GABRR1: variants seen among roughly 807,000 people sequenced by gnomAD.
GABRR1 encodes gamma-aminobutyric acid type A receptor subunit rho1.
In GABRR1, 59 loss-of-function variants were observed where a neutral mutation model predicts 55.5. That is an observed-to-expected ratio of 1.06 (90% confidence interval 0.86 to 1.32). The LOEUF (loss-of-function observed/expected upper bound fraction) is 1.32, where lower values mean the gene tolerates loss of function less well. GABRR1 is among the 40% of genes most tolerant of loss of function. The pLI, the probability that GABRR1 is intolerant of heterozygous loss-of-function variation, is 0.00. For synonymous variants in GABRR1, 213 were observed against 226.0 expected (o/e 0.94, Z 0.51); for missense variants, 602 against 619.1 (o/e 0.97, Z 0.29).
At chr6:89,179,888 T>A (rs1176182797) in intron 9 of GABRR1, among the ~76,000 whole-genome samples, 3 of 152,002 alleles carry the variant, frequency 2.0e-5, no homozygotes, top group African/African-American at 7.3e-5. Flanking sequence ...GAAGGAAGAT[T>A]TCCTAGAATG....
intron 1 of GABRR1, among the ~76,000 whole-genome samples, chr6:89,222,377 T>G (rs966348465): frequency 6.6e-6 from 1 of 152,212 alleles, no homozygotes; most frequent in African/African-American, 2.4e-5. Context: ...GTAAACCCAC[T>G]TTGTGGGGCT....
chr6:89,189,217 T>A (rs1226049101), intron 6 of GABRR1, among the ~76,000 whole-genome samples: 1 of 152,032 alleles, frequency 6.6e-6, no homozygotes, highest in Non-Finnish European at 1.5e-5. Context: ...CACACGTATG[T>A]TTATTGCGGC....
chr6:89,183,279 G>A lies in GABRR1; in HGVS notation c.797-1222C>T, dbSNP rs148367925. On this transcript the variant is annotated intron_variant, in intron 7 of 9. Transcript: ENST00000454853. ...CACCCTGGGTCATTATAATGCATGG[G>A]ACATGCCTCTGGTTACCAGCAAGCT... 3.9e-3 allele frequency among the ~76,000 whole-genome samples: 601 copies of A among 152,286 alleles called. 2 individuals are homozygous for A. Among genetic ancestry groups the A allele is most frequent in the East Asian group, 0.022 (115 of 5,174 alleles).
rs372823219 is a variant in GABRR1, at chr6:89,179,001, A to G, written c.1209T>C (p.Asp403=). The G allele has an allele frequency of 1.2e-6, 2 of 1,614,112 alleles. No individual in the cohort carries two copies. The highest frequency in any genetic ancestry group is 1.1e-5 in the South Asian group (1 of 91,084). The change falls in exon 10 of 10, where the codon GAT becomes GAC. Residue 403 remains aspartate (D), a synonymous_variant. Transcript: ENST00000454853. ...RTAMLDGNYS[D]GEVNDLDNYM... ...AGTTGTCCAGGTCATTCACCTCCCC[A>G]TCACTGTAGTTGCCGTCCAGCATCG... is the stretch of plus-strand genomic sequence containing the variant.
In GABRR1 at chr6:89,180,375, C is replaced by T. The variant is rs763072691; in HGVS notation, c.1063G>A (p.Val355Met). ...DIYLWVSFVF[V>M]FLSVLEYAAV... is the part of the protein sequence containing the mutation. ...GCATACTCCAGCACCGAGAGGAACA[C>T]GAACACAAAGCTGACCCAGAGGTAG... The change falls in exon 9 of 10, where the codon GTG becomes ATG. Residue 355 changes from valine to methionine, a missense_variant. Coordinates refer to ENST00000454853, the MANE Select transcript of GABRR1 (RefSeq NM_002042.5). 2.4e-5 allele frequency: 38 copies of T among 1,613,832 alleles called. No individual in the cohort carries two copies. Among genetic ancestry groups the T allele is most frequent in the Middle Eastern group, 1.6e-4 (1 of 6,078 alleles).
intron 5 of GABRR1, among the ~76,000 whole-genome samples, chr6:89,196,876 A>AAAGAAAGAAAGAG (rs1554190903): frequency 4.9e-5 from 5 of 101,948 alleles, no homozygotes; most frequent in Non-Finnish European, 4.6e-5. Context: ...AGAAAGAAAG[A>AAAGAAAGAAAGAG]AAGAGAAGAG....
chr6:89,209,510 G>A (rs914994900), intron 1 of GABRR1, among the ~76,000 whole-genome samples: 2 of 152,086 alleles, frequency 1.3e-5, no homozygotes, highest in African/African-American at 4.8e-5. Flanking sequence ...TTTGTCAAGG[G>A]GACAGCCTGC....
chr6:89,229,526 T>G (rs1773250555), intron 1 of GABRR1, among the ~76,000 whole-genome samples: 1 of 149,258 alleles, frequency 6.7e-6, no homozygotes, highest in African/African-American at 2.5e-5. Flanking sequence ...TTATGAAGCT[T>G]AGTTTGGCTG....
At chr6:89,199,032 G>C (rs1449015248) in intron 4 of GABRR1, among the ~76,000 whole-genome samples, 1 of 152,160 alleles carries the variant, frequency 6.6e-6, no homozygotes, top group Non-Finnish European at 1.5e-5. Context: ...GCCAGGTACA[G>C]AATCCACAGG....
chr6:89,186,047 T>C (rs1771892001), intron 6 of GABRR1, among the ~76,000 whole-genome samples: 2 of 152,282 alleles, frequency 1.3e-5, no homozygotes, highest in Non-Finnish European at 2.9e-5. Flanking sequence ...CATTTCCCCT[T>C]CCCTCACCTG....
chr6:89,204,734 T>C (rs1179495223), intron 1 of GABRR1: 1 of 1,002,330 alleles, frequency 1.0e-6, no homozygotes, highest in Non-Finnish European at 1.3e-6. Flanking sequence ...ACAGTTATAG[T>C]CTTTTTCATT....
intron 1 of GABRR1, among the ~76,000 whole-genome samples, chr6:89,231,044 C>T (rs1269795233): frequency 6.6e-6 from 1 of 151,944 alleles, no homozygotes; most frequent in Non-Finnish European, 1.5e-5. Flanking sequence ...GTCCATCACC[C>T]CTTTCTTTGA....
At chr6:89,183,071 C>A (rs1442206513) in intron 7 of GABRR1, among the ~76,000 whole-genome samples, 1 of 145,126 alleles carries the variant, frequency 6.9e-6, no homozygotes, top group African/African-American at 2.5e-5. Context: ...GGTCCAGCTA[C>A]ATTTTAGCTC....
intron 7 of GABRR1, among the ~76,000 whole-genome samples, chr6:89,182,268 C>A (rs561459054): frequency 6.6e-6 from 1 of 152,290 alleles, no homozygotes; most frequent in South Asian, 2.1e-4. Flanking sequence ...GGCCGTTGTC[C>A]TATTTACAAA....
chr6:89,183,434 A>G (rs1233596483), intron 7 of GABRR1, among the ~76,000 whole-genome samples: 1 of 152,180 alleles, frequency 6.6e-6, no homozygotes, highest in Non-Finnish European at 1.5e-5. Flanking sequence ...GCTCCCTCTT[A>G]CAGATTAGGA....
chr6:89,218,405 G>A (rs968652689), upstream of GABRR1, among the ~76,000 whole-genome samples: 6 of 152,172 alleles, frequency 3.9e-5, no homozygotes, highest in South Asian at 2.1e-4. Flanking sequence ...TCTGTTCCCA[G>A]ATCGTAAGAA....
intron 1 of GABRR1, among the ~76,000 whole-genome samples, chr6:89,215,897 G>C (rs1256829798): frequency 6.6e-6 from 1 of 152,140 alleles, no homozygotes; most frequent in Non-Finnish European, 1.5e-5. Flanking sequence ...TTTGCAAATA[G>C]GTTGCCACTC....
intron 1 of GABRR1, among the ~76,000 whole-genome samples, chr6:89,222,548 C>T (rs1219919594): frequency 3.3e-5 from 5 of 152,196 alleles, no homozygotes; most frequent in Admixed American, 6.5e-5. Context: ...GAACCACCCC[C>T]GTTCTGCATC....
At chr6:89,229,317 G>T (rs1773246048) in intron 1 of GABRR1, among the ~76,000 whole-genome samples, 1 of 151,338 alleles carries the variant, frequency 6.6e-6, no homozygotes, top group East Asian at 1.9e-4. Flanking sequence ...GATGTTAGCT[G>T]GTGATTTTGC....
Sources: allele counts gnomAD v4.1 joint callset (sites outside exome capture counted in the v4.1 genomes callset), GRCh38; gene constraint gnomAD v4.1.1; transcripts MANE v1.5; gene names NCBI Gene and HGNC (gene_info 2026-07-23, HGNC 2026-07-21).